The following ARHGAP24 variants were observed in gnomAD, a reference collection of about 807,000 sequenced individuals.
ARHGAP24 encodes the protein rho GTPase-activating protein 24.
Under a neutral mutation model 76.4 loss-of-function variants are expected in ARHGAP24, and 50 were observed. The observed-to-expected ratio is 0.65, with a 90% CI of 0.52 to 0.83. The LOEUF is 0.83. Ranked by LOEUF, ARHGAP24 falls within the 40% of genes least tolerant of loss-of-function variation. ARHGAP24 has a pLI of 0.00. For missense variants in ARHGAP24, 930 were observed against 914.2 expected (o/e 1.02, Z -0.22); for synonymous variants, 345 against 323.3 (o/e 1.07, Z -0.72).
chr4:85,979,577 T>C (rs1189068202), intron 8 of ARHGAP24, among the ~76,000 whole-genome samples: 2 of 152,170 alleles, frequency 1.3e-5, no homozygotes, highest in African/African-American at 4.8e-5. Context: ...CCTGTTATAC[T>C]TGTTGTGACT....
intron 5 of ARHGAP24, 73 bp downstream of exon 5, chr4:85,942,346 G>A: frequency 6.6e-7 from 1 of 1,518,832 alleles, no homozygotes; most frequent in Non-Finnish European, 9.1e-7. Flanking sequence ...AGTGAGCTGA[G>A]GAGGCATAAC....
chr4:85,814,219 C>A (rs528498382), intron 3 of ARHGAP24, among the ~76,000 whole-genome samples: 1 of 152,224 alleles, frequency 6.6e-6, no homozygotes, highest in South Asian at 2.1e-4. Flanking sequence ...CAAACCATAT[C>A]ATTCCACCCA....
chr4:85,564,970 A>ATATAT (rs1553914962), intron 1 of ARHGAP24, among the ~76,000 whole-genome samples: 32 of 116,480 alleles, frequency 2.7e-4, no homozygotes, highest in African/African-American at 1.1e-3. Context: ...ATATATATAT[A>ATATAT]CCCACACCCA....
chr4:85,784,181 T>G (rs1727697448), intron 3 of ARHGAP24, among the ~76,000 whole-genome samples: 1 of 152,318 alleles, frequency 6.6e-6, no homozygotes, highest in Non-Finnish European at 1.5e-5. Context: ...CTTCACCTTC[T>G]GTTCTTTCTG....
At chr4:85,886,514 A>G (rs1418442670) in intron 3 of ARHGAP24, among the ~76,000 whole-genome samples, 1 of 152,168 alleles carries the variant, frequency 6.6e-6, no homozygotes, top group Non-Finnish European at 1.5e-5. Context: ...TGCTTATGGA[A>G]TCACCACTAA....
chr4:85,831,465 C>A (rs1729989437), intron 3 of ARHGAP24, among the ~76,000 whole-genome samples: 3 of 152,100 alleles, frequency 2.0e-5, no homozygotes, highest in Admixed American at 6.5e-5. Flanking sequence ...GATTGGCATG[C>A]TTTAAATATT....
At chr4:85,618,824 A>C (rs913459927) in intron 2 of ARHGAP24, among the ~76,000 whole-genome samples, 1 of 151,856 alleles carries the variant, frequency 6.6e-6, no homozygotes, top group Admixed American at 6.6e-5. Flanking sequence ...TAATTGAGTA[A>C]TTTGTTTTCT....
In ARHGAP24 at chr4:85,630,368, T is replaced by C. The variant is rs145164022; in HGVS notation, c.180+59647T>C. Among the ~76,000 whole-genome samples, 1,106 of 152,364 alleles carry C rather than the reference T, an allele frequency of 7.3e-3. 15 individuals carry two copies. The highest frequency in any genetic ancestry group is 0.025 in the African/African-American group (1,040 of 41,588). ...TTTCCACTTCTTTAGGGTTGGTGAC[T>C]GTTTCTTCATTTTGTTCTTTTGATG... On this transcript the variant is annotated intron_variant, in intron 2 of 9. Transcript: ENST00000395184.
At chr4:85,547,330 A>T (rs1484459080) in intron 1 of ARHGAP24, among the ~76,000 whole-genome samples, 2 of 152,122 alleles carry the variant, frequency 1.3e-5, no homozygotes, top group African/African-American at 2.4e-5. Context: ...TTTATCCATA[A>T]TTGGATTCAG....
intron 1 of ARHGAP24, among the ~76,000 whole-genome samples, chr4:85,565,616 G>C (rs1309746366): frequency 6.6e-6 from 1 of 152,170 alleles, no homozygotes; most frequent in African/African-American, 2.4e-5. Flanking sequence ...CATTCACTGA[G>C]TGGATGCATT....
At chr4:85,760,841 C>A (rs1465839747) in intron 3 of ARHGAP24, among the ~76,000 whole-genome samples, 1 of 152,184 alleles carries the variant, frequency 6.6e-6, no homozygotes, top group Admixed American at 6.5e-5. Flanking sequence ...ACAAATTGAA[C>A]AGCCCAACTG....
chr4:85,484,187 ACTAG>A, intron 1 of ARHGAP24, among the ~76,000 whole-genome samples: 1 of 152,316 alleles, frequency 6.6e-6, no homozygotes, highest in Non-Finnish European at 1.5e-5. Flanking sequence ...AAGGATGCTG[ACTAG>A]CTAGATTCTG....
intron 3 of ARHGAP24, among the ~76,000 whole-genome samples, chr4:85,795,997 C>T (rs1300761287): frequency 6.6e-6 from 1 of 152,114 alleles, no homozygotes; most frequent in Non-Finnish European, 1.5e-5. Flanking sequence ...ACAGAGTTCC[C>T]AGAATTCCCT....
chr4:85,831,048 C>CCCACCCATATATAT (rs1729971323), intron 3 of ARHGAP24, among the ~76,000 whole-genome samples: 1 of 152,194 alleles, frequency 6.6e-6, no homozygotes, highest in Non-Finnish European at 1.5e-5. Context: ...CCACTAAAGT[C>CCCACCCATATATAT]ATTATATCAA....
chr4:85,994,442 A>G, intron 8 of ARHGAP24, 141 bp from the exon 9 acceptor site: 1 of 863,476 alleles, frequency 1.2e-6, no homozygotes, highest in Non-Finnish European at 1.9e-6. Context: ...TTCTATTGCT[A>G]TTATCATAGT....
chr4:85,490,915 G>T (rs1388767895), intron 1 of ARHGAP24, among the ~76,000 whole-genome samples: 2 of 152,144 alleles, frequency 1.3e-5, no homozygotes, highest in South Asian at 2.1e-4. Flanking sequence ...AAATATCTCA[G>T]ATTTTTCTCA....
intron 3 of ARHGAP24, among the ~76,000 whole-genome samples, chr4:85,901,154 C>A (rs149323210): frequency 1.1e-4 from 16 of 152,236 alleles, no homozygotes; most frequent in Admixed American, 2.6e-4. Context: ...GATTGGTGTT[C>A]TCCTTCACTT....
At chr4:85,641,993 C>A (rs776441502) in intron 2 of ARHGAP24, among the ~76,000 whole-genome samples, 1 of 152,136 alleles carries the variant, frequency 6.6e-6, no homozygotes, top group African/African-American at 2.4e-5. Context: ...GAAAACCCAG[C>A]AAGGCCTGTC....
At chr4:85,545,224 C>T (rs534296793) in intron 1 of ARHGAP24, among the ~76,000 whole-genome samples, 82 of 152,082 alleles carry the variant, frequency 5.4e-4, no homozygotes, top group African/African-American at 1.8e-3. Context: ...CTCAGCCTCC[C>T]GAGTAGCTGG....
Sources: gnomAD v4.1 joint callset for allele counts (sites outside exome capture counted in the v4.1 genomes callset) on GRCh38, gnomAD v4.1.1 for gene constraint, MANE v1.5 for transcripts, NCBI Gene and HGNC (gene_info 2026-07-23, HGNC 2026-07-21) for gene names.